FGF22: variants seen among roughly 807,000 people sequenced by gnomAD.
The protein encoded by FGF22 is fibroblast growth factor 22.
Under a neutral mutation model 10.3 loss-of-function variants are expected in FGF22, and 11 were observed. That is an observed-to-expected ratio of 1.07 (90% confidence interval 0.67 to 1.77). The LOEUF is 1.77. FGF22 is among the 40% of genes most tolerant of loss of function. The pLI is 0.00. For synonymous variants in FGF22, 136 were observed against 122.1 expected, an observed-to-expected ratio of 1.11 and a Z score of -0.75; for missense variants, 317 against 273.2, an observed-to-expected ratio of 1.16 and a Z score of -1.13.
At chr19:641,066 C>A in intron 1 of FGF22, 1 of 417,316 alleles carries the variant, frequency 2.4e-6, no homozygotes, top group Non-Finnish European at 4.9e-6. Context: ...TCTCTCCAAG[C>A]CTCGGTTTCC....
At chr19:641,574 CAAAAAAAA>C (rs68071125) in intron 1 of FGF22, 4 of 94,640 alleles carry the variant, frequency 4.2e-5, no homozygotes, top group East Asian at 5.7e-4. Flanking sequence ...GACTCCGTCT[CAAAAAAAA>C]AAAAAAAAAA....
exon 3 of FGF22, chr19:643,741 C>A: frequency 1.3e-6 from 1 of 782,270 alleles, no homozygotes; most frequent in African/African-American, 1.8e-5. Context: ...AGCCCAGGAG[C>A]CCTCCAGGGG....
exon 3 of FGF22, chr19:643,658 C>T (rs1456483386): frequency 2.6e-5 from 36 of 1,372,928 alleles, no homozygotes; most frequent in Admixed American, 2.4e-4. Context: ...GCGAGGGGCC[C>T]GGCCACGCTT....
rs375483921 is a variant in FGF22, at chr19:641,167, C to T, written c.214+1028C>T. ...TCACTAATCGGGCACCTTGTGGGTGCTGTGCTCCGCATGGGGGACCCAGTG... is the reference window on the plus strand; with the variant it reads ...TCACTAATCGGGCACCTTGTGGGTGTTGTGCTCCGCATGGGGGACCCAGTG... On this transcript the variant is annotated intron_variant, in intron 1 of 2. Coordinates refer to ENST00000215530, the Ensembl canonical transcript of FGF22. 244 of 456,496 alleles carry T rather than the reference C, an allele frequency of 5.3e-4. 2 individuals are homozygous for T. The East Asian group carries it at 0.015, about 28-fold the overall frequency. 28.3% of individuals were successfully genotyped at this position (456,496 alleles called of 1,614,324 possible).
intron 1 of FGF22, among the ~76,000 whole-genome samples, chr19:641,881 C>T (rs980985580): frequency 3.4e-4 from 52 of 152,174 alleles, no homozygotes; most frequent in South Asian, 1.2e-3. Context: ...CCGGGGTGAG[C>T]GAGTGTGGGT....
chr19:640,822 G>C (rs1454308556), intron 1 of FGF22: 2 of 223,906 alleles, frequency 8.9e-6, no homozygotes, highest in African/African-American at 2.3e-5. Flanking sequence ...GCACTGGGAA[G>C]GGGGCCCGGG....
chr19:642,760 T>TA (rs1484922711), intron 1 of FGF22, among the ~76,000 whole-genome samples: 1 of 151,738 alleles, frequency 6.6e-6, no homozygotes, highest in Admixed American at 6.6e-5. Context: ...CATTGACAGT[T>TA]ATCAGTGGTC....
exon 2 of FGF22, chr19:643,295 G>A (rs1456274684): frequency 3.1e-6 from 5 of 1,611,036 alleles, no homozygotes; most frequent in African/African-American, 1.3e-5. Flanking sequence ...GTGTCCTCAG[G>A]CTTCTACGTG....
chr19:641,129 G>A (rs11572860), intron 1 of FGF22: 16 of 455,574 alleles, frequency 3.5e-5, no homozygotes, highest in African/African-American at 2.6e-4. Context: ...CCTGCCCTTC[G>A]TGCATTCGCT....
chr19:642,131 G>C (rs1261600170), intron 1 of FGF22, among the ~76,000 whole-genome samples: 1 of 152,206 alleles, frequency 6.6e-6, no homozygotes, highest in Non-Finnish European at 1.5e-5. Context: ...CCCACTCTAG[G>C]CCACTGCCAG....
exon 1 of FGF22, chr19:640,040 G>A: frequency 7.1e-7 from 1 of 1,408,486 alleles, no homozygotes; most frequent in South Asian, 1.5e-5. Context: ...CCTGGAGGGC[G>A]ACGTGCGCTG....
chr19:643,193 G>A, intron 1 of FGF22, 42 bp from the exon 2 acceptor site: 1 of 981,624 alleles, frequency 1.0e-6, no homozygotes. Context: ...GCGGTGCTGG[G>A]GGTGAGCCAG....
intron 1 of FGF22, chr19:641,042 G>C: frequency 2.6e-6 from 1 of 390,954 alleles, no homozygotes; most frequent in African/African-American, 2.1e-5. Flanking sequence ...GCCTGACCTG[G>C]AACAGTCTCT....
At chr19:643,190 TGG>T in intron 1 of FGF22, 43 bp from the exon 2 acceptor site, 1 of 969,664 alleles carries the variant, frequency 1.0e-6, no homozygotes, top group Non-Finnish European at 1.3e-6. Flanking sequence ...GCAGCGGTGC[TGG>T]GGGTGAGCCA....
exon 3 of FGF22, chr19:643,458 G>A (rs140007905): frequency 1.6e-5 from 25 of 1,611,414 alleles, no homozygotes; most frequent in East Asian, 8.9e-5. Flanking sequence ...CGAAGAGAAC[G>A]GCCACAACAC....
At chr19:641,471 AG>A (rs954907139) in intron 1 of FGF22, 12 of 335,218 alleles carry the variant, frequency 3.6e-5, no homozygotes, top group Admixed American at 3.4e-4. Flanking sequence ...GCTACTCGGG[AG>A]GCTGAGGCAG....
exon 3 of FGF22, chr19:643,424 G>A (rs752849090): frequency 3.7e-6 from 6 of 1,611,262 alleles, no homozygotes; most frequent in African/African-American, 1.3e-5. Flanking sequence ...TCTACACCGT[G>A]GACTGCAGGT....
rs761005552 is a variant in FGF22 at position 640,096 on chromosome 19, C to T, written c.171C>T (p.Pro57=). 2.1e-4 allele frequency: 291 copies of T among 1,398,908 alleles called. 1 individual carries two copies. The highest frequency in any genetic ancestry group is 5.1e-4 in the Middle Eastern group (2 of 3,886). The allele number at this position is 1,398,908 out of a possible 1,614,324, so 86.7% of individuals were successfully genotyped here. A position where few individuals can be genotyped will look rare whatever the true frequency, so the allele number is the denominator to read the frequency against. ...CTCACTTCTTCCTGCGCGTGGATCC[C>T]GGCGGCCGCGTGCAGGGCACCCGCT... The change falls in exon 1 of 3, where the codon CCC becomes CCT. Residue 57 remains proline, a synonymous_variant. Transcript: ENST00000215530.
exon 2 of FGF22, chr19:643,319 G>A (rs780416005): frequency 2.9e-5 from 46 of 1,610,838 alleles, no homozygotes; most frequent in East Asian, 2.2e-4. Context: ...ATGAACCGCC[G>A]GGGCCGCCTC....
Sources: allele counts gnomAD v4.1 joint callset (sites outside exome capture counted in the v4.1 genomes callset), GRCh38; gene constraint gnomAD v4.1.1; transcripts MANE v1.5; gene names NCBI Gene and HGNC (gene_info 2026-07-23, HGNC 2026-07-21).